The following TRDN variants were observed in gnomAD, a reference collection of about 807,000 sequenced individuals.
TRDN encodes triadin, also known as triadin in skeletal muscle.
Under a neutral mutation model 149.7 loss-of-function variants are expected in TRDN, and 161 were observed. The ratio of observed to expected loss-of-function variants is 1.08; its 90% CI spans 0.95 to 1.23. TRDN has a LOEUF of 1.23. Ranked by LOEUF, TRDN falls within the 50% of genes most tolerant of loss-of-function variation. TRDN has a pLI of 0.00. For missense variants in TRDN, 896 were observed against 823.5 expected (o/e 1.09, Z -1.08); for synonymous variants, 294 against 250.5 (o/e 1.17, Z -1.64).
At chr6:123,478,716 T>C (rs1214521609) in intron 9 of TRDN, among the ~76,000 whole-genome samples, 1 of 152,188 alleles carries the variant, frequency 6.6e-6, no homozygotes, top group Non-Finnish European at 1.5e-5. Context: ...CATGGAATCA[T>C]CCAGTGAAAT....
chr6:123,511,889 T>C (rs1166385610), intron 7 of TRDN, among the ~76,000 whole-genome samples: 4 of 152,170 alleles, frequency 2.6e-5, no homozygotes, highest in Non-Finnish European at 5.9e-5. Flanking sequence ...TGTTCTCTGC[T>C]GAATCTGTCT....
chr6:123,366,329 C>T, intron 19 of TRDN, 147 bp from the exon 20 acceptor site: 3 of 638,530 alleles, frequency 4.7e-6, no homozygotes, highest in South Asian at 4.5e-5. Context: ...ATACAAAGTG[C>T]TTATATGATT....
rs1369930696 is a variant in TRDN at position 123,398,043 on chromosome 6, C to T, written c.1052-4366G>A. ...TTTTTGAAATGGTGTCTCACTCCGTCGCCCAGGCTGGCGTGCAGTGGCACG... is the reference window on the plus strand; with the variant it reads ...TTTTTGAAATGGTGTCTCACTCCGTTGCCCAGGCTGGCGTGCAGTGGCACG... On this transcript the variant is annotated intron_variant, in intron 12 of 40. Coordinates refer to ENST00000334268, the MANE Select transcript of TRDN (RefSeq NM_006073.4). Among the ~76,000 whole-genome samples, 3 of 152,228 alleles carry T rather than the reference C, an allele frequency of 2.0e-5. No individual in the cohort carries two copies. In the South Asian group the frequency reaches 6.2e-4, roughly 32 times the overall value.
At chr6:123,367,699 T>C (rs1351630903) in intron 19 of TRDN, among the ~76,000 whole-genome samples, 1 of 152,198 alleles carries the variant, frequency 6.6e-6, no homozygotes, top group East Asian at 1.9e-4. Flanking sequence ...TGGAGGGCTA[T>C]TGAAACAGAT....
chr6:123,510,405 A>G (rs907805345), intron 7 of TRDN, among the ~76,000 whole-genome samples: 3 of 152,116 alleles, frequency 2.0e-5, no homozygotes, highest in African/African-American at 7.2e-5. Context: ...TAAAATGTAT[A>G]TTTTAAAAGA....
chr6:123,461,417 A>G (rs1776441930), intron 10 of TRDN, among the ~76,000 whole-genome samples: 1 of 152,218 alleles, frequency 6.6e-6, no homozygotes, highest in South Asian at 2.1e-4. Context: ...GACTTCATTC[A>G]TGTAAATTGC....
At chr6:123,343,467 A>G (rs1780137716) in intron 21 of TRDN, among the ~76,000 whole-genome samples, 1 of 151,982 alleles carries the variant, frequency 6.6e-6, no homozygotes, top group Non-Finnish European at 1.5e-5. Flanking sequence ...GATGATATAT[A>G]TTGAAAAATT....
chr6:123,567,340 A>C lies in TRDN; in HGVS notation c.232+3583T>G, dbSNP rs149919668. Among the ~76,000 whole-genome samples the C allele has an allele frequency of 7.0e-3, 1,061 of 152,306 alleles. 7 individuals are homozygous for C. The highest frequency in any genetic ancestry group is 0.024 in the African/African-American group (1,003 of 41,564). On this transcript the variant is annotated intron_variant, in intron 2 of 40. Transcript: ENST00000334268. ...ACTTTTCTCTACTTGTTAGATGAGA[A>C]TCTAACTCATTGGTAGTCCAGCTAC...
At chr6:123,223,823 A>G (rs1054876773) in intron 39 of TRDN, among the ~76,000 whole-genome samples, 10 of 151,602 alleles carry the variant, frequency 6.6e-5, no homozygotes, top group Non-Finnish European at 4.4e-5. Flanking sequence ...AGTGATTTTG[A>G]AGTATTATTC....
intron 24 of TRDN, among the ~76,000 whole-genome samples, chr6:123,303,228 C>T (rs1778493403): frequency 6.6e-6 from 1 of 152,062 alleles, no homozygotes; most frequent in Non-Finnish European, 1.5e-5. Context: ...CAGAAAACTG[C>T]CTGTGCATGT....
At chr6:123,236,373 A>G (rs1775787786) in intron 38 of TRDN, among the ~76,000 whole-genome samples, 1 of 152,138 alleles carries the variant, frequency 6.6e-6, no homozygotes, top group Non-Finnish European at 1.5e-5. Flanking sequence ...CTAACATTTT[A>G]TTTCACCCAA....
chr6:123,345,617 G>A (rs890929905), intron 21 of TRDN, among the ~76,000 whole-genome samples: 2 of 151,948 alleles, frequency 1.3e-5, no homozygotes, highest in Non-Finnish European at 2.9e-5. Context: ...ATTGTTTTTG[G>A]AATTGTGTTA....
At chr6:123,343,495 T>C (rs1323756682) in intron 21 of TRDN, among the ~76,000 whole-genome samples, 1 of 151,898 alleles carries the variant, frequency 6.6e-6, no homozygotes, top group Non-Finnish European at 1.5e-5. Context: ...TATAATTGAA[T>C]ATAAGAAAAA....
intron 2 of TRDN, among the ~76,000 whole-genome samples, chr6:123,569,446 T>A (rs1295999251): frequency 6.6e-6 from 1 of 152,252 alleles, no homozygotes; most frequent in East Asian, 1.9e-4. Flanking sequence ...TTTTCTGGTA[T>A]CCTTATAGCA....
chr6:123,271,543 A>G (rs1342599409), intron 29 of TRDN, among the ~76,000 whole-genome samples: 1 of 152,026 alleles, frequency 6.6e-6, no homozygotes, highest in Admixed American at 6.6e-5. Context: ...TAGAATAGGA[A>G]GGAGCAATTT....
chr6:123,608,107 T>G (rs998872602), intron 1 of TRDN, among the ~76,000 whole-genome samples: 1 of 152,162 alleles, frequency 6.6e-6, no homozygotes, highest in Admixed American at 6.6e-5. Context: ...GAGCCTGAGA[T>G]AAATGTGATA....
At chr6:123,324,455 G>GA (rs1489698347) in intron 23 of TRDN, among the ~76,000 whole-genome samples, 2 of 151,524 alleles carry the variant, frequency 1.3e-5, no homozygotes, top group South Asian at 4.2e-4. Context: ...TCTCTGAAAA[G>GA]AAAAAACAAA....
chr6:123,269,373 C>A (rs1343595584), intron 31 of TRDN, among the ~76,000 whole-genome samples: 1 of 151,938 alleles, frequency 6.6e-6, no homozygotes, highest in Non-Finnish European at 1.5e-5. Flanking sequence ...TTAATTAATG[C>A]AGCTTAAAGC....
At chr6:123,315,920 G>A (rs9388222) in intron 24 of TRDN, among the ~76,000 whole-genome samples, 27,528 of 151,684 alleles carry the variant, frequency 0.18, 3,375 homozygotes, top group East Asian at 0.6. Flanking sequence ...TCAAATTAAT[G>A]GCCAATAGGT....
Sources: allele counts gnomAD v4.1 joint callset (sites outside exome capture counted in the v4.1 genomes callset), GRCh38; gene constraint gnomAD v4.1.1; transcripts MANE v1.5; gene names NCBI Gene and HGNC (gene_info 2026-07-23, HGNC 2026-07-21).